CDH4: variants seen among roughly 807,000 people sequenced by gnomAD.
The protein encoded by CDH4 is cadherin 4, also known as cadherin-4.
In CDH4, 33 loss-of-function variants were observed where a neutral mutation model predicts 86.0. The observed-to-expected ratio is 0.38, with a 90% CI of 0.29 to 0.51. The LOEUF (loss-of-function observed/expected upper bound fraction) is 0.51, where lower values mean the gene tolerates loss of function less well. Among genes scored for constraint, CDH4 ranks in the 20% least tolerant of loss-of-function variants. The pLI, the probability that CDH4 is intolerant of heterozygous loss-of-function variation, is 0.86. For missense variants in CDH4, 1,114 were observed against 1,307.4 expected (o/e 0.85, Z 2.28); for synonymous variants, 555 against 549.4 (o/e 1.01, Z -0.14).
intron 2 of CDH4, among the ~76,000 whole-genome samples, chr20:61,508,974 T>A (rs1350756869): frequency 6.6e-6 from 1 of 152,044 alleles, no homozygotes; most frequent in Non-Finnish European, 1.5e-5. Context: ...GCAGCTTCTC[T>A]CCCAGGCCTC....
At chr20:61,907,892 C>T (rs2054808260) in intron 8 of CDH4, among the ~76,000 whole-genome samples, 1 of 152,178 alleles carries the variant, frequency 6.6e-6, no homozygotes, top group African/African-American at 2.4e-5. Context: ...GCGTGGCCAT[C>T]GTGTGAGGAA....
intron 2 of CDH4, chr20:61,499,332 CTCAGTT>C: frequency 3.1e-6 from 2 of 645,162 alleles, no homozygotes; most frequent in Non-Finnish European, 4.8e-6. Context: ...TCCCCTATGC[CTCAGTT>C]TCGCCACCTA....
chr20:61,585,541 C>T (rs2086462333), intron 2 of CDH4, among the ~76,000 whole-genome samples: 1 of 152,220 alleles, frequency 6.6e-6, no homozygotes, highest in Non-Finnish European at 1.5e-5. Context: ...ATTATTTGGT[C>T]AAATTCAATT....
chr20:61,561,240 A>T (rs187287886), intron 2 of CDH4, among the ~76,000 whole-genome samples: 191 of 152,264 alleles, frequency 1.3e-3, no homozygotes, highest in Admixed American at 2.2e-3. Flanking sequence ...GCATCTGGTG[A>T]CCACACAACC....
chr20:61,483,996 C>G (rs2145581727), intron 2 of CDH4, among the ~76,000 whole-genome samples: 1 of 152,242 alleles, frequency 6.6e-6, no homozygotes, highest in South Asian at 2.1e-4. Context: ...TGTGTCTCTC[C>G]TTTGGCCTTG....
At chr20:61,677,698 C>T (rs1418816638) in intron 2 of CDH4, among the ~76,000 whole-genome samples, 9 of 151,698 alleles carry the variant, frequency 5.9e-5, no homozygotes, top group Non-Finnish European at 1.2e-4. Context: ...GACGGACAGA[C>T]GGACGGATGG....
intron 2 of CDH4, among the ~76,000 whole-genome samples, chr20:61,262,366 TGTG>T (rs2084132540): frequency 6.6e-6 from 1 of 151,844 alleles, no homozygotes. Context: ...AGTCTGAAGA[TGTG>T]GTGCTTTCCG....
chr20:61,758,723 C>T (rs2145966237), intron 3 of CDH4, among the ~76,000 whole-genome samples: 1 of 152,360 alleles, frequency 6.6e-6, no homozygotes, highest in Middle Eastern at 3.4e-3. Context: ...CTGTCTGGGC[C>T]AGTCAGTCCA....
chr20:61,297,526 A>G (rs1483261371), intron 2 of CDH4, among the ~76,000 whole-genome samples: 2 of 152,264 alleles, frequency 1.3e-5, no homozygotes, highest in Non-Finnish European at 2.9e-5. Context: ...CCCATGGTCC[A>G]TCTGTGTCTT....
chr20:61,739,376 C>T (rs781501335), intron 2 of CDH4, among the ~76,000 whole-genome samples: 7 of 152,192 alleles, frequency 4.6e-5, no homozygotes, highest in South Asian at 2.1e-4. Context: ...TGATGCTGTC[C>T]GGTCCCAGGA....
chr20:61,873,706 T>G, intron 6 of CDH4, 22 bp from the exon 7 acceptor site: 1 of 1,606,868 alleles, frequency 6.2e-7, no homozygotes, highest in Non-Finnish European at 8.5e-7. Context: ...CATCCCCATC[T>G]GAGCTGCTGT....
intron 2 of CDH4, among the ~76,000 whole-genome samples, chr20:61,572,108 C>T (rs2086346324): frequency 6.6e-6 from 1 of 152,084 alleles, no homozygotes; most frequent in African/African-American, 2.4e-5. Flanking sequence ...GCTGCTGCCT[C>T]CAGAATGCAG....
chr20:61,617,214 A>G (rs1339457449), intron 2 of CDH4, among the ~76,000 whole-genome samples: 1 of 151,918 alleles, frequency 6.6e-6, no homozygotes, highest in Non-Finnish European at 1.5e-5. Context: ...CATACTTCCC[A>G]CGCTGTGTCG....
intron 2 of CDH4, among the ~76,000 whole-genome samples, chr20:61,257,793 C>T (rs556711517): frequency 6.6e-6 from 1 of 152,212 alleles, no homozygotes; most frequent in Non-Finnish European, 1.5e-5. Context: ...CAGCCTGGTA[C>T]GGTGACCTGC....
At chr20:61,636,884 C>T (rs944272) in intron 2 of CDH4, among the ~76,000 whole-genome samples, 82,515 of 151,976 alleles carry the variant, frequency 0.54, 22,580 homozygotes, top group East Asian at 0.71. Flanking sequence ...AGCTGGGGGC[C>T]CACCCTCCCT....
At chr20:61,548,764 C>T (rs1204614358) in intron 2 of CDH4, among the ~76,000 whole-genome samples, 3 of 152,054 alleles carry the variant, frequency 2.0e-5, no homozygotes, top group African/African-American at 7.2e-5. Flanking sequence ...ACACCGTGAC[C>T]ATTATTCTTC....
At chr20:61,318,414 T>G (rs570746444) in intron 2 of CDH4, among the ~76,000 whole-genome samples, 12 of 144,746 alleles carry the variant, frequency 8.3e-5, no homozygotes, top group African/African-American at 3.2e-4. Context: ...AACCTAAGCG[T>G]GTGACAATGA....
intron 2 of CDH4, among the ~76,000 whole-genome samples, chr20:61,478,364 A>G (rs1403044805): frequency 6.6e-6 from 1 of 152,194 alleles, no homozygotes; most frequent in Non-Finnish European, 1.5e-5. Context: ...GCACCTGGCT[A>G]GGGGACAGTG....
chr20:61,413,276 G>A (rs2085129595), intron 2 of CDH4, among the ~76,000 whole-genome samples: 1 of 151,676 alleles, frequency 6.6e-6, no homozygotes, highest in African/African-American at 2.4e-5. Flanking sequence ...TTTCCAGCTG[G>A]TTGTGTTTCT....
Sources: allele counts gnomAD v4.1 joint callset (sites outside exome capture counted in the v4.1 genomes callset), GRCh38; gene constraint gnomAD v4.1.1; transcripts MANE v1.5; gene names NCBI Gene and HGNC (gene_info 2026-07-23, HGNC 2026-07-21).